The following ASIC2 variants were observed in gnomAD, a reference collection of about 807,000 sequenced individuals.
ASIC2 encodes the protein acid sensing ion channel subunit 2.
A neutral mutation model predicts 57.3 loss-of-function variants in ASIC2; 25 were observed. The ratio of observed to expected loss-of-function variants is 0.44; its 90% CI spans 0.32 to 0.61. The LOEUF is 0.61. ASIC2 is among the 20% of genes least tolerant of loss of function. ASIC2 has a pLI of 0.06. For synonymous variants in ASIC2, 319 were observed against 307.5 expected, an observed-to-expected ratio of 1.04 and a Z score of -0.39; for missense variants, 641 against 738.1, an observed-to-expected ratio of 0.87 and a Z score of 1.52.
intron 1 of ASIC2, among the ~76,000 whole-genome samples, chr17:34,011,148 T>G (rs933988611): frequency 1.5e-3 from 141 of 91,956 alleles, no homozygotes; most frequent in South Asian, 5.0e-3. Flanking sequence ...CACACACACA[T>G]AGACACATAG....
intron 3 of ASIC2, among the ~76,000 whole-genome samples, chr17:33,045,678 A>T (rs2091951493): frequency 6.6e-6 from 1 of 152,086 alleles, no homozygotes; most frequent in South Asian, 2.1e-4. Flanking sequence ...TGCTGTTGGG[A>T]TCCTCAAGAC....
intron 1 of ASIC2, among the ~76,000 whole-genome samples, chr17:33,820,706 C>T (rs1567724929): frequency 6.6e-6 from 1 of 151,988 alleles, no homozygotes; most frequent in Non-Finnish European, 1.5e-5. Context: ...TTATTTTTTA[C>T]TTGATTAAGA....
chr17:33,845,965 T>C (rs186621047), intron 1 of ASIC2, among the ~76,000 whole-genome samples: 9 of 152,342 alleles, frequency 5.9e-5, no homozygotes, highest in African/African-American at 1.9e-4. Context: ...CTTCCTCTTA[T>C]GACTTTCGTA....
At chr17:34,050,454 C>T (rs1259340437) in intron 1 of ASIC2, among the ~76,000 whole-genome samples, 1 of 152,106 alleles carries the variant, frequency 6.6e-6, no homozygotes, top group African/African-American at 2.4e-5. Context: ...CCTGGCTGCA[C>T]AAGATTCTTG....
chr17:33,350,380 T>C (rs530110195), intron 1 of ASIC2, among the ~76,000 whole-genome samples: 1 of 152,244 alleles, frequency 6.6e-6, no homozygotes, highest in East Asian at 1.9e-4. Flanking sequence ...TCTGAATCAC[T>C]TAATTTACTT....
intron 1 of ASIC2, among the ~76,000 whole-genome samples, chr17:33,909,980 C>A (rs1158603191): frequency 6.6e-6 from 1 of 152,098 alleles, no homozygotes; most frequent in Non-Finnish European, 1.5e-5. Flanking sequence ...TTTCTGCAGA[C>A]CTCAGTCTCT....
chr17:34,099,247 A>T (rs1910707537), intron 1 of ASIC2, among the ~76,000 whole-genome samples: 1 of 149,566 alleles, frequency 6.7e-6, no homozygotes, highest in Admixed American at 6.6e-5. Context: ...GAGAGAAAGG[A>T]AGGAAGGAGG....
At chr17:33,271,312 C>G (rs952152153) in intron 1 of ASIC2, among the ~76,000 whole-genome samples, 21 of 152,200 alleles carry the variant, frequency 1.4e-4, no homozygotes, top group Admixed American at 1.2e-3. Context: ...CGATCCCACC[C>G]AGTCCCACTG....
intron 2 of ASIC2, among the ~76,000 whole-genome samples, chr17:33,103,091 T>C (rs1423873172): frequency 6.6e-6 from 1 of 152,216 alleles, no homozygotes; most frequent in Non-Finnish European, 1.5e-5. Flanking sequence ...CCACATATTT[T>C]AAGTTTAATT....
chr17:34,020,854 A>G (rs888257502), intron 1 of ASIC2, among the ~76,000 whole-genome samples: 5 of 152,208 alleles, frequency 3.3e-5, no homozygotes, highest in Non-Finnish European at 7.3e-5. Context: ...CTTCTGACCT[A>G]CAGAAACTGA....
chr17:33,425,541 G>A (rs575676545), intron 1 of ASIC2, among the ~76,000 whole-genome samples: 2 of 152,334 alleles, frequency 1.3e-5, no homozygotes, highest in African/African-American at 2.4e-5. Flanking sequence ...TGGGGGTTCA[G>A]AGGATGGAGG....
At chr17:33,804,175 G>A (rs1269925542) in intron 1 of ASIC2, among the ~76,000 whole-genome samples, 1 of 152,190 alleles carries the variant, frequency 6.6e-6, no homozygotes, top group Admixed American at 6.5e-5. Flanking sequence ...CAGCAAATGT[G>A]TCGGGGAGCT....
intron 2 of ASIC2, among the ~76,000 whole-genome samples, chr17:33,091,568 C>T (rs894529340): frequency 6.6e-6 from 1 of 152,168 alleles, no homozygotes; most frequent in East Asian, 1.9e-4. Context: ...GTCAGAAATG[C>T]CATGAGTAAT....
chr17:33,027,134 C>G (rs762643906), intron 4 of ASIC2, among the ~76,000 whole-genome samples: 1 of 152,132 alleles, frequency 6.6e-6, no homozygotes, highest in Non-Finnish European at 1.5e-5. Flanking sequence ...GAGGTCACCC[C>G]CACATTCACT....
chr17:33,385,449 C>A (rs1042783913), intron 1 of ASIC2, among the ~76,000 whole-genome samples: 4 of 152,232 alleles, frequency 2.6e-5, no homozygotes, highest in Non-Finnish European at 4.4e-5. Context: ...CACATAAAAC[C>A]GTTCCAATTC....
At chr17:34,089,311 A>T (rs1910238333) in intron 1 of ASIC2, among the ~76,000 whole-genome samples, 1 of 152,208 alleles carries the variant, frequency 6.6e-6, no homozygotes, top group African/African-American at 2.4e-5. Context: ...GTACACTATG[A>T]CACATATGCA....
chr17:33,973,907 C>G (rs1260637423), intron 1 of ASIC2, among the ~76,000 whole-genome samples: 1 of 152,096 alleles, frequency 6.6e-6, no homozygotes, highest in Non-Finnish European at 1.5e-5. Flanking sequence ...CTCCCCTTAC[C>G]CCAGGAGAGC....
At chr17:33,408,735 G>A (rs377535354) in intron 1 of ASIC2, among the ~76,000 whole-genome samples, 18 of 152,230 alleles carry the variant, frequency 1.2e-4, no homozygotes, top group African/African-American at 4.3e-4. Flanking sequence ...AAACCACAGA[G>A]CACCAATCTG....
intron 1 of ASIC2, among the ~76,000 whole-genome samples, chr17:33,951,525 C>T (rs968723613): frequency 6.6e-6 from 1 of 152,126 alleles, no homozygotes; most frequent in Admixed American, 6.5e-5. Flanking sequence ...GCAGCAGACA[C>T]TGTGGGTGCC....
Sources: allele counts gnomAD v4.1 joint callset (sites outside exome capture counted in the v4.1 genomes callset), GRCh38; gene constraint gnomAD v4.1.1; transcripts MANE v1.5; gene names NCBI Gene and HGNC (gene_info 2026-07-23, HGNC 2026-07-21).